The following FZR1 variants were observed in gnomAD, a reference collection of about 807,000 sequenced individuals.
FZR1 encodes fizzy-related protein homolog.
FZR1 carries 11 observed loss-of-function variants against 63.6 expected under a neutral mutation model. The ratio of observed to expected loss-of-function variants is 0.17; its 90% CI spans 0.11 to 0.29. The LOEUF is 0.29. FZR1 is among the 10% of genes least tolerant of loss of function. The pLI is 1.00. For missense variants in FZR1, 440 were observed against 687.5 expected, an observed-to-expected ratio of 0.64 and a Z score of 4.03; for synonymous variants, 328 against 297.9, an observed-to-expected ratio of 1.10 and a Z score of -1.04.
At chr19:3,527,537 C>T in intron 6 of FZR1, 94 bp from the exon 7 acceptor site, 2 of 995,614 alleles carry the variant, frequency 2.0e-6, no homozygotes, top group Non-Finnish European at 3.0e-6. Context: ...GGACTGGGCT[C>T]CTGGGGCTGG....
At chr19:3,528,828 A>T (rs1178028624) in intron 7 of FZR1, among the ~76,000 whole-genome samples, 1 of 128,014 alleles carries the variant, frequency 7.8e-6, no homozygotes. Context: ...AGTGGATGGG[A>T]GAATGGATGA....
chr19:3,532,203 C>T (rs2083255114), intron 10 of FZR1, 108 bp downstream of exon 10: 1 of 1,087,612 alleles, frequency 9.2e-7, no homozygotes. Flanking sequence ...GGGGCCCACT[C>T]CACAGCCATC....
In FZR1 at chr19:3,527,758, G is replaced by A; in HGVS notation, c.598G>A (p.Val200Met). 1.9e-6 allele frequency: 3 copies of A among 1,612,916 alleles called. No homozygotes were observed. Among genetic ancestry groups the A allele is most frequent in the Non-Finnish European group, 2.5e-6 (3 of 1,179,876 alleles). The change falls in exon 7 of 14, where the codon GTG becomes ATG. Residue 200 changes from valine (V) to methionine (M), a missense_variant. This residue lies in a region of FZR1 where 208 missense variants were observed against 363.6 expected (regional missense o/e 0.57). Coordinates refer to ENST00000441788, the MANE Select transcript of FZR1 (RefSeq NM_016263.4). Reference sequence around the variant, plus strand: ...TCTGGTGGACTGGTCGTCCCTCAATGTGCTCAGCGTGGGGCTAGGCACCTG... The same window carrying A: ...TCTGGTGGACTGGTCGTCCCTCAATATGCTCAGCGTGGGGCTAGGCACCTG... ...LNLVDWSSLN[V>M]LSVGLGTCVY...
chr19:3,507,475 T>C (rs987927173), intron 1 of FZR1, among the ~76,000 whole-genome samples: 2 of 151,936 alleles, frequency 1.3e-5, no homozygotes, highest in Non-Finnish European at 2.9e-5. Context: ...TCTTTTCCCC[T>C]GTTTTCTCCA....
intron 2 of FZR1, among the ~76,000 whole-genome samples, chr19:3,524,559 G>A (rs1209409290): frequency 1.3e-5 from 2 of 152,352 alleles, no homozygotes; most frequent in Non-Finnish European, 2.9e-5. Context: ...GACAGCAGAC[G>A]GAATATGACC....
chr19:3,527,070 C>T lies in FZR1; in HGVS notation c.470+8C>T. 2 of 1,592,478 alleles carry T rather than the reference C, an allele frequency of 1.3e-6. No individual in the cohort carries two copies. Among genetic ancestry groups the T allele is most frequent in the Non-Finnish European group, 1.7e-6 (2 of 1,161,298 alleles). On this transcript the variant is annotated splice_region_variant and intron_variant, in intron 6 of 13. Transcript: ENST00000441788. Reference sequence around the variant, plus strand: ...TCCCGTCAGCAACAAGAGGTGGGTCCCAGCTTCCTCCGCAGCCCTCCCTAC... The same window carrying T: ...TCCCGTCAGCAACAAGAGGTGGGTCTCAGCTTCCTCCGCAGCCCTCCCTAC...
At chr19:3,522,108 C>A (rs540779879) in intron 1 of FZR1, among the ~76,000 whole-genome samples, 34 of 152,322 alleles carry the variant, frequency 2.2e-4, no homozygotes, top group African/African-American at 7.9e-4. Context: ...CAAAAAGAAC[C>A]GCTGTATTTA....
intron 7 of FZR1, among the ~76,000 whole-genome samples, chr19:3,529,656 G>C (rs1453391233): frequency 1.4e-4 from 18 of 131,470 alleles, no homozygotes; most frequent in Admixed American, 3.8e-4. Context: ...ATGGGAGAGC[G>C]GATGGGTGAG....
rs890751759 is a variant in FZR1, at chr19:3,533,849, C to T, written c.1347+451C>T. 2 of 174,962 alleles carry T rather than the reference C, an allele frequency of 1.1e-5. No individual in the cohort carries two copies. The highest frequency in any genetic ancestry group is 2.4e-5 in the Non-Finnish European group (2 of 83,170). 10.8% of individuals were successfully genotyped at this position (174,962 alleles called of 1,614,324 possible). A position where few individuals can be genotyped will look rare whatever the true frequency, so the allele number is the denominator to read the frequency against. ...GAAAAACATGTTCTGTGCTTTCATC[C>T]GCGCATCTGACAGTCCCTCATCTGT... On this transcript the variant is annotated intron_variant, in intron 12 of 13. Transcript: ENST00000441788. The surrounding 1 kb of genome is among the most constrained non-coding windows in gnomAD (Gnocchi z 4.9).
Position 3,533,247 on chromosome 19 carries a change from CG to C in FZR1, c.1243-45del, listed in dbSNP as rs1568240996. ...CATGTGAGGCAGCAGGCATAGCACC[CG>C]GCCTCGTTGCCCCTCACCGACCGCA... is the stretch of plus-strand genomic sequence containing the variant. On this transcript the variant is annotated intron_variant, in intron 11 of 13. Transcript: ENST00000441788. The surrounding 1 kb of genome is among the most constrained non-coding windows in gnomAD (Gnocchi z 4.9). The C allele has an allele frequency of 2.5e-6, 3 of 1,177,426 alleles. No individual in the cohort carries two copies. In the African/African-American group the frequency reaches 4.5e-5, roughly 18 times the overall value. 72.9% of individuals were successfully genotyped at this position (1,177,426 alleles called of 1,614,324 possible).
intron 13 of FZR1, 84 bp downstream of exon 13, chr19:3,534,597 C>A: frequency 2.0e-6 from 2 of 1,003,950 alleles, no homozygotes; most frequent in Non-Finnish European, 3.1e-6. Context: ...CTCGGGCGTA[C>A]CCTCCTCTGG....
intron 12 of FZR1, 51 bp from the exon 13 acceptor site, chr19:3,534,370 C>T: frequency 9.7e-7 from 1 of 1,036,044 alleles, no homozygotes. Context: ...CAGCACTGTC[C>T]CGAGGCACCT....
chr19:3,528,759 G>A (rs2083191199), intron 7 of FZR1, among the ~76,000 whole-genome samples: 1 of 120,620 alleles, frequency 8.3e-6, no homozygotes, highest in Non-Finnish European at 1.7e-5. Flanking sequence ...GGGTGGGTGT[G>A]TGGATGGGTG....
In FZR1 at chr19:3,533,161, A is replaced by G; in HGVS notation, c.1243-133A>G. On this transcript the variant is annotated intron_variant, in intron 11 of 13. Transcript: ENST00000441788. This position sits in a 1 kb window ranked among gnomAD's most constrained non-coding sequence, Gnocchi z 4.9. The stretch of plus-strand genomic sequence containing the variant: ...TCAGGTGGCAGAGCCACATCCCAGC[A>G]TCCCCTGCTCCTCCTGGGCTGGCTG... 1.5e-6 allele frequency: 1 copy of G among 671,396 alleles called. No homozygotes were observed. Among genetic ancestry groups the G allele is most frequent in the East Asian group, 2.6e-5 (1 of 37,980 alleles). The allele number at this position is 671,396 out of a possible 1,614,324, so 41.6% of individuals were successfully genotyped here.
In FZR1 at chr19:3,526,475, G is replaced by C. The variant is rs888207647; in HGVS notation, c.387+89G>C. 10 of 1,119,698 alleles carry C rather than the reference G, an allele frequency of 8.9e-6. No individual in the cohort carries two copies. The Admixed American group carries it at 1.9e-4, about 21-fold the overall frequency. The allele number at this position is 1,119,698 out of a possible 1,614,324, so 69.4% of individuals were successfully genotyped here. On this transcript the variant is annotated intron_variant, in intron 5 of 13. Coordinates refer to ENST00000441788, the MANE Select transcript of FZR1 (RefSeq NM_016263.4). This position sits in a 1 kb window ranked among gnomAD's most constrained non-coding sequence, Gnocchi z 5.4. The stretch of plus-strand genomic sequence containing the variant: ...TCCCAGGCACCAGCTCTGCCTCCCC[G>C]AGCCCGGTTCTCGGGCCCAGCCACG...
Position 3,516,237 on chromosome 19 carries a change from C to G in FZR1, c.-34-6719C>G, listed in dbSNP as rs2083057869. Reference sequence around the variant, plus strand: ...CGAGTCCCCCAGCCCACAGCCTCCCCCACCGTCTGACGGGCGGGAGGGTGG... The same window carrying G: ...CGAGTCCCCCAGCCCACAGCCTCCCGCACCGTCTGACGGGCGGGAGGGTGG... On this transcript the variant is annotated intron_variant, in intron 1 of 13. Coordinates refer to ENST00000441788, the MANE Select transcript of FZR1 (RefSeq NM_016263.4). The surrounding 1 kb of genome is among the most constrained non-coding windows in gnomAD (Gnocchi z 6.0). Among the ~76,000 whole-genome samples the G allele has an allele frequency of 6.6e-6, 1 of 152,224 alleles. No homozygotes were observed. The highest frequency in any genetic ancestry group is 2.1e-4 in the South Asian group (1 of 4,830).
intron 1 of FZR1, among the ~76,000 whole-genome samples, chr19:3,508,094 G>C (rs1439441605): frequency 1.3e-5 from 2 of 151,306 alleles, no homozygotes; most frequent in African/African-American, 2.4e-5. Flanking sequence ...CCTGGCTGCA[G>C]GCAGTGGTGG....
At position 3,523,163 on chromosome 19, in the gene FZR1, C is replaced by T. The variant is rs897829229; in HGVS notation, c.69+105C>T. On this transcript the variant is annotated intron_variant, in intron 2 of 13. Transcript: ENST00000441788. ...CCCACTGTCACTAAAGCCCCACGGA[C>T]CACTCAGGTCCCAGTCCCCCAGGTC... is the stretch of plus-strand genomic sequence containing the variant. The T allele has an allele frequency of 1.4e-5, 11 of 784,648 alleles. No individual in the cohort carries two copies. The African/African-American group carries it at 1.7e-4, about 12-fold the overall frequency. 48.6% of individuals were successfully genotyped at this position (784,648 alleles called of 1,614,324 possible). A position where few individuals can be genotyped will look rare whatever the true frequency, so the allele number is the denominator to read the frequency against.
intron 2 of FZR1, among the ~76,000 whole-genome samples, chr19:3,523,945 G>T (rs2083127568): frequency 6.6e-6 from 1 of 152,240 alleles, no homozygotes; most frequent in Non-Finnish European, 1.5e-5. Context: ...CTCCCCCTGT[G>T]CGGTGCGGCC....
Sources: allele counts gnomAD v4.1 joint callset (sites outside exome capture counted in the v4.1 genomes callset), GRCh38; gene constraint gnomAD v4.1.1; regional missense constraint gnomAD v4.1.1; non-coding constraint Gnocchi (gnomAD v3.1); transcripts MANE v1.5; gene names NCBI Gene and HGNC (gene_info 2026-07-23, HGNC 2026-07-21).